RBFOX3: variants seen among roughly 807,000 people sequenced by gnomAD.
RBFOX3 encodes RNA binding protein fox-1 homolog 3.
RBFOX3 carries 17 observed loss-of-function variants against 48.7 expected under a neutral mutation model. That is an observed-to-expected ratio of 0.35 (90% CI 0.24 to 0.52). The LOEUF is 0.52. Among genes scored for constraint, RBFOX3 ranks in the 20% least tolerant of loss-of-function variants. RBFOX3 has a pLI of 0.94. For synonymous variants in RBFOX3, 212 were observed against 209.5 expected (o/e 1.01, Z -0.10); for missense variants, 382 against 497.5 (o/e 0.77, Z 2.21).
intron 2 of RBFOX3, among the ~76,000 whole-genome samples, chr17:79,399,360 A>T (rs547519041): frequency 6.6e-6 from 1 of 152,362 alleles, no homozygotes; most frequent in South Asian, 2.1e-4. Flanking sequence ...CACAGCTGGT[A>T]AATCAGCAGT....
In RBFOX3 at chr17:79,304,506, T is replaced by TA. The variant is rs34644638; in HGVS notation, c.-74+3217dup. Among the ~76,000 whole-genome samples, 88 of 148,018 alleles carry TA rather than the reference T, an allele frequency of 5.9e-4. 1 individual carries two copies. The highest frequency in any genetic ancestry group is 6.1e-4 in the Non-Finnish European group (41 of 66,756). The stretch of plus-strand genomic sequence containing the variant: ...GAAGGATTTTCATACTCTTATGTGT[T>TA]AAAAAAAAAACTGCTAGAAGATCAC... On this transcript the variant is annotated intron_variant, in intron 3 of 14. Coordinates refer to ENST00000693108, the MANE Select transcript of RBFOX3 (RefSeq NM_001350451.2).
At chr17:79,339,240 G>C (rs1463228062) in intron 2 of RBFOX3, among the ~76,000 whole-genome samples, 1 of 152,056 alleles carries the variant, frequency 6.6e-6, no homozygotes, top group Non-Finnish European at 1.5e-5. Context: ...TTTGTTTGTA[G>C]AGACAGGGTT....
chr17:79,127,945 C>T (rs1440024950), intron 4 of RBFOX3, among the ~76,000 whole-genome samples: 3 of 152,232 alleles, frequency 2.0e-5, no homozygotes, highest in African/African-American at 7.2e-5. Context: ...CTGGTGCGGG[C>T]AGGGAGCCCT....
Position 79,557,236 on chromosome 17 carries a change from A to C in RBFOX3, c.-320+53590T>G, listed in dbSNP as rs1193574501. ...GTGAGACACTGTCTCAAAAAAAAAA[A>C]AAAAAAAAAAAAAGGAAAGGAAAGG... is the stretch of plus-strand genomic sequence containing the variant. On this transcript the variant is annotated intron_variant, in intron 1 of 14. Coordinates refer to ENST00000693108, the MANE Select transcript of RBFOX3 (RefSeq NM_001350451.2). Among the ~76,000 whole-genome samples, 791 of 151,298 alleles carry C rather than the reference A, an allele frequency of 5.2e-3. 6 individuals carry two copies. Among genetic ancestry groups the C allele is most frequent in the African/African-American group, 0.018 (746 of 41,224 alleles).
intron 3 of RBFOX3, among the ~76,000 whole-genome samples, chr17:79,278,769 C>T (rs1005702589): frequency 2.0e-5 from 3 of 152,360 alleles, no homozygotes; most frequent in East Asian, 1.9e-4. Context: ...AGTGGCCCAT[C>T]GTCAGCTTAG....
At chr17:79,459,597 G>C (rs1568287820) in intron 2 of RBFOX3, among the ~76,000 whole-genome samples, 1 of 152,108 alleles carries the variant, frequency 6.6e-6, no homozygotes, top group Non-Finnish European at 1.5e-5. Context: ...TGGAAGTCAA[G>C]TCCACCACCC....
At chr17:79,495,189 G>A (rs902297833) in intron 1 of RBFOX3, among the ~76,000 whole-genome samples, 1 of 150,722 alleles carries the variant, frequency 6.6e-6, no homozygotes, top group African/African-American at 2.4e-5. Context: ...TCGGGTGGGA[G>A]GTGAAGAGAG....
At chr17:79,566,343 G>A (rs978942724) in intron 1 of RBFOX3, among the ~76,000 whole-genome samples, 6 of 152,142 alleles carry the variant, frequency 3.9e-5, no homozygotes, top group East Asian at 3.9e-4. Flanking sequence ...TGTAAGAAGC[G>A]GCCAGCGCTA....
In RBFOX3 at chr17:79,199,228, C is replaced by T. The variant is rs534150739; in HGVS notation, c.-34+36538G>A. 4.6e-5 allele frequency among the ~76,000 whole-genome samples: 7 copies of T among 152,242 alleles called. No individual in the cohort carries two copies. The highest frequency in any genetic ancestry group is 1.9e-4 in the East Asian group (1 of 5,180). On this transcript the variant is annotated intron_variant, in intron 4 of 14. Coordinates refer to ENST00000693108, the MANE Select transcript of RBFOX3 (RefSeq NM_001350451.2). This position sits in a 1 kb window ranked among gnomAD's most constrained non-coding sequence, Gnocchi z 5.1. ...CCTTCTGAGAATGTAAAGGGCCTTTCGAAAAGACCTCCCTAGCCCCCCACC... is the reference window on the plus strand; with the variant it reads ...CCTTCTGAGAATGTAAAGGGCCTTTTGAAAAGACCTCCCTAGCCCCCCACC...
chr17:79,512,246 A>G (rs2149868808), intron 1 of RBFOX3, among the ~76,000 whole-genome samples: 1 of 140,870 alleles, frequency 7.1e-6, no homozygotes, highest in Admixed American at 6.9e-5. Context: ...CATCGAGTAC[A>G]GTCCTATAGC....
chr17:79,376,901 C>G (rs565816744), intron 2 of RBFOX3, among the ~76,000 whole-genome samples: 27 of 152,226 alleles, frequency 1.8e-4, no homozygotes, highest in African/African-American at 6.0e-4. Context: ...TTGGGAAGCC[C>G]CCATTCTCTT....
intron 1 of RBFOX3, among the ~76,000 whole-genome samples, chr17:79,563,474 T>C (rs1416105081): frequency 6.6e-6 from 1 of 152,248 alleles, no homozygotes; most frequent in Non-Finnish European, 1.5e-5. Flanking sequence ...CTCTCTGGCC[T>C]ACAGCACATT....
chr17:79,316,426 C>T (rs2145858012), intron 2 of RBFOX3, among the ~76,000 whole-genome samples: 1 of 152,350 alleles, frequency 6.6e-6, no homozygotes, highest in East Asian at 1.9e-4. Context: ...TTGTGGGCAG[C>T]CCTCCTTGGG....
chr17:79,337,155 C>A (rs2081322470), intron 2 of RBFOX3, among the ~76,000 whole-genome samples: 1 of 152,022 alleles, frequency 6.6e-6, no homozygotes, highest in Non-Finnish European at 1.5e-5. Context: ...TTTCGATAGT[C>A]CTGACTCTCA....
chr17:79,285,456 A>G (rs1241359987), intron 3 of RBFOX3, among the ~76,000 whole-genome samples: 3 of 152,206 alleles, frequency 2.0e-5, no homozygotes, highest in Non-Finnish European at 4.4e-5. Flanking sequence ...ATTTCTGACC[A>G]TCTTCAATTA....
chr17:79,152,382 C>A (rs1445874399), intron 4 of RBFOX3, among the ~76,000 whole-genome samples: 1 of 151,758 alleles, frequency 6.6e-6, no homozygotes, highest in African/African-American at 2.4e-5. Context: ...CTGTGCCAGC[C>A]GAGGCCCAGA....
chr17:79,425,703 C>A (rs1488356151), intron 2 of RBFOX3, among the ~76,000 whole-genome samples: 1 of 152,040 alleles, frequency 6.6e-6, no homozygotes, highest in Non-Finnish European at 1.5e-5. Context: ...AGGAGGGCCA[C>A]GAATTCCGAC....
chr17:79,274,359 A>C (rs936020288), intron 3 of RBFOX3, among the ~76,000 whole-genome samples: 1 of 152,208 alleles, frequency 6.6e-6, no homozygotes, highest in Non-Finnish European at 1.5e-5. Context: ...ATCGGATGTC[A>C]TGAAGATGAA....
intron 1 of RBFOX3, among the ~76,000 whole-genome samples, chr17:79,510,057 G>C (rs1428559438): frequency 2.0e-5 from 3 of 152,162 alleles, no homozygotes; most frequent in Admixed American, 6.5e-5. Context: ...ATTACCTCTG[G>C]TCCTCAAGTG....
Sources: allele counts gnomAD v4.1 joint callset (sites outside exome capture counted in the v4.1 genomes callset), GRCh38; gene constraint gnomAD v4.1.1; non-coding constraint Gnocchi (gnomAD v3.1); transcripts MANE v1.5; gene names NCBI Gene and HGNC (gene_info 2026-07-23, HGNC 2026-07-21).